NOXRED1: variants seen among roughly 807,000 people sequenced by gnomAD.
NOXRED1 encodes the protein NADP dependent oxidoreductase domain containing 1.
Under a neutral mutation model 30.4 loss-of-function variants are expected in NOXRED1, and 20 were observed. The ratio of observed to expected loss-of-function variants is 0.66; its 90% CI spans 0.46 to 0.96. The LOEUF (loss-of-function observed/expected upper bound fraction) is 0.96, where lower values mean the gene tolerates loss of function less well. NOXRED1 is among the 40% of genes least tolerant of loss of function. The pLI is 0.00. For synonymous variants in NOXRED1, 155 were observed against 168.0 expected (o/e 0.92, Z 0.60); for missense variants, 374 against 428.0 (o/e 0.87, Z 1.11).
chr14:77,404,401 G>C (rs1172563018), intron 5 of NOXRED1, among the ~76,000 whole-genome samples: 1 of 152,230 alleles, frequency 6.6e-6, no homozygotes, highest in African/African-American at 2.4e-5. Context: ...ACTTGGTGAA[G>C]CAGCATATAA....
Position 77,394,566 on chromosome 14 carries a change from A to G in NOXRED1, c.*65T>C. 1 of 1,217,798 alleles carries G rather than the reference A, an allele frequency of 8.2e-7. No homozygotes were observed. The highest frequency in any genetic ancestry group is 1.4e-5 in the South Asian group (1 of 72,210). The allele number at this position is 1,217,798 out of a possible 1,614,324, so 75.4% of individuals were successfully genotyped here. On this transcript the variant is annotated 3_prime_UTR_variant, in exon 6 of 6. Coordinates refer to ENST00000380835, the MANE Select transcript of NOXRED1 (RefSeq NM_001113475.3). ...CAAGACTCCCACAGTCAATTGTGAT[A>G]ATCAGGGCACAACTATTATAGGGAA...
At chr14:77,404,733 TGAG>T (rs535532487) in intron 5 of NOXRED1, among the ~76,000 whole-genome samples, 111 of 151,062 alleles carry the variant, frequency 7.3e-4, no homozygotes, top group Middle Eastern at 3.4e-3. Context: ...AGGAAGAAAA[TGAG>T]GAGAACGGGA....
In NOXRED1 at chr14:77,406,739, G is replaced by T; in HGVS notation, c.667C>A (p.Pro223Thr). 1 of 1,614,086 alleles carries T rather than the reference G, an allele frequency of 6.2e-7. No homozygotes were observed. Among genetic ancestry groups the T allele is most frequent in the South Asian group, 1.1e-5 (1 of 91,086 alleles). The change falls in exon 4 of 6, where the codon CCC becomes ACC. Residue 223 changes from proline to threonine, a missense_variant. By Grantham distance (38) the Pro-to-Thr change is conservative. Transcript: ENST00000380835. The part of the protein sequence containing the change: ...QDPTILQATC[P>T]YSPAGGIILN... ...GAGCCGTGACCAGCAGGACTGTAGGGACAGGTAGCTTGAAGAATCGTAGGA... is the reference window on the plus strand; with the variant it reads ...GAGCCGTGACCAGCAGGACTGTAGGTACAGGTAGCTTGAAGAATCGTAGGA...
Position 77,394,745 on chromosome 14 carries a change from A to T in NOXRED1, c.966T>A (p.His322Gln). The change falls in exon 6 of 6, where the codon CAT becomes CAA. Residue 322 changes from histidine (H) to glutamine (Q), a missense_variant. Physicochemically the swap from His to Gln is conservative, Grantham distance 24. Coordinates refer to ENST00000380835, the MANE Select transcript of NOXRED1 (RefSeq NM_001113475.3). ...CTTGGAGAACAGGACTACTTGAGAG[A>T]TGCTGGCTAAACGGAGTTTCCTTGA... ...VQLKETPFSQHLSSSPVLQDH... is the reference protein window; with the variant it reads ...VQLKETPFSQQLSSSPVLQDH... 1 of 1,613,638 alleles carries T rather than the reference A, an allele frequency of 6.2e-7. No individual in the cohort carries two copies. The highest frequency in any genetic ancestry group is 1.3e-5 in the African/African-American group (1 of 75,052).
chr14:77,415,916 T>C (rs1043068788), intron 1 of NOXRED1, among the ~76,000 whole-genome samples: 4 of 152,022 alleles, frequency 2.6e-5, no homozygotes, highest in African/African-American at 4.8e-5. Flanking sequence ...AGGTTCTCCA[T>C]GTTGGCCAGG....
upstream of NOXRED1, among the ~76,000 whole-genome samples, chr14:77,426,008 T>C (rs908371641): frequency 6.6e-6 from 1 of 150,924 alleles, no homozygotes; most frequent in African/African-American, 2.4e-5. Flanking sequence ...GGAAGATTGC[T>C]TGAGTCTGGG....
intron 5 of NOXRED1, among the ~76,000 whole-genome samples, chr14:77,400,971 A>C (rs4899654): frequency 0.43 from 65,982 of 152,124 alleles, 16,803 homozygotes; most frequent in East Asian, 0.92. Flanking sequence ...ATGGAGAAGA[A>C]GACTCAATAC....
chr14:77,420,778 C>T (rs1258394267), intron 1 of NOXRED1, among the ~76,000 whole-genome samples: 3 of 152,160 alleles, frequency 2.0e-5, no homozygotes. Context: ...CAGACTGGCA[C>T]CATACAGGGG....
rs763127629 is a variant in NOXRED1 at position 77,422,935 on chromosome 14, C to T, written c.-46G>A. On this transcript the variant is annotated 5_prime_UTR_variant, in exon 1 of 6. Coordinates refer to ENST00000380835, the MANE Select transcript of NOXRED1 (RefSeq NM_001113475.3). ...CAGTGATAGACACTAATCAATTTGGCTCCCTGTCCCGGTAGAAGAGGGGTC... is the reference window on the plus strand; with the variant it reads ...CAGTGATAGACACTAATCAATTTGGTTCCCTGTCCCGGTAGAAGAGGGGTC... 1.6e-5 allele frequency: 25 copies of T among 1,547,146 alleles called. No homozygotes were observed. Among genetic ancestry groups the T allele is most frequent in the Non-Finnish European group, 2.1e-5 (24 of 1,135,038 alleles).
At chr14:77,397,360 C>T (rs1388380642) in intron 5 of NOXRED1, among the ~76,000 whole-genome samples, 2 of 152,130 alleles carry the variant, frequency 1.3e-5, no homozygotes, top group African/African-American at 4.8e-5. Context: ...GAATGAAGAA[C>T]ACATTAGAAG....
At chr14:77,421,963 G>A (rs35317215) in intron 1 of NOXRED1, among the ~76,000 whole-genome samples, 6,131 of 152,258 alleles carry the variant, frequency 0.04, 158 homozygotes, top group Non-Finnish European at 0.061. Context: ...CCACCAATAG[G>A]TTTATGCATC....
upstream of NOXRED1, among the ~76,000 whole-genome samples, chr14:77,424,553 A>G (rs1895076587): frequency 6.6e-6 from 1 of 152,138 alleles, no homozygotes; most frequent in Admixed American, 6.6e-5. Context: ...CCTAAGAAAC[A>G]TTTTCTTACA....
At chr14:77,425,180 C>T (rs1196741570), upstream of NOXRED1, among the ~76,000 whole-genome samples, 1 of 152,170 alleles carries the variant, frequency 6.6e-6, no homozygotes, top group African/African-American at 2.4e-5. Flanking sequence ...ATGATCTTCC[C>T]TTCTTCACGG....
Position 77,407,574 on chromosome 14 carries a change from A to C in NOXRED1, c.421T>G (p.Phe141Val). The change falls in exon 3 of 6, where the codon TTC (phenylalanine) becomes GTC (valine). Residue 141 changes from phenylalanine (F) to valine (V), a missense_variant. Transcript: ENST00000380835. The stretch of plus-strand genomic sequence containing the variant: ...AGCTGAGACGGCAAGCAGCAGAGGA[A>C]TATCACATCGGCCCAACTCACCAGA... ...ADLVSWADVI[F>V]LCCLPSQLPN... 6.2e-7 allele frequency: 1 copy of C among 1,614,006 alleles called. No individual in the cohort carries two copies. The highest frequency in any genetic ancestry group is 8.5e-7 in the Non-Finnish European group (1 of 1,179,846).
intron 5 of NOXRED1, 114 bp from the exon 6 acceptor site, chr14:77,394,919 CATT>C (rs1212693902): frequency 3.1e-6 from 2 of 650,468 alleles, no homozygotes; most frequent in African/African-American, 1.8e-5. Flanking sequence ...AAACTAGAAA[CATT>C]AATACCTTTT....
At chr14:77,419,967 A>T in intron 1 of NOXRED1, among the ~76,000 whole-genome samples, 1 of 152,108 alleles carries the variant, frequency 6.6e-6, no homozygotes, top group South Asian at 2.1e-4. Context: ...GGTTCATCCA[A>T]ATTGGAGTCC....
chr14:77,409,404 T>G (rs1375614651), intron 2 of NOXRED1, among the ~76,000 whole-genome samples: 2 of 152,190 alleles, frequency 1.3e-5, no homozygotes, highest in Non-Finnish European at 2.9e-5. Flanking sequence ...TCCTGCCACC[T>G]TGTGAAGAAG....
At chr14:77,408,892 A>ATTTTTTTTTTTTTATTTTTTTTTTTT (rs1894557236) in intron 2 of NOXRED1, among the ~76,000 whole-genome samples, 1 of 68,154 alleles carries the variant, frequency 1.5e-5, no homozygotes, top group Non-Finnish European at 2.7e-5. Flanking sequence ...CTGGTAGTTA[A>ATTTTTTTTTTTTTATTTTTTTTTTTT]TTTTTTTTTT....
At chr14:77,398,294 G>GA (rs1894238870) in intron 5 of NOXRED1, among the ~76,000 whole-genome samples, 1 of 152,188 alleles carries the variant, frequency 6.6e-6, no homozygotes, top group Non-Finnish European at 1.5e-5. Flanking sequence ...TGATATCTGA[G>GA]AAAAATCCCC....
Sources: gnomAD v4.1 joint callset for allele counts (sites outside exome capture counted in the v4.1 genomes callset) on GRCh38, gnomAD v4.1.1 for gene constraint, MANE v1.5 for transcripts, NCBI Gene and HGNC (gene_info 2026-07-23, HGNC 2026-07-21) for gene names.